Variants in GRM8 observed in about 807,000 individuals in gnomAD.
The protein encoded by GRM8 is metabotropic glutamate receptor 8.
GRM8 carries 47 observed loss-of-function variants against 87.2 expected under a neutral mutation model. That is an observed-to-expected ratio of 0.54 (90% CI 0.43 to 0.69). The LOEUF (loss-of-function observed/expected upper bound fraction) is 0.69, where lower values mean the gene tolerates loss of function less well. Among genes scored for constraint, GRM8 ranks in the 30% least tolerant of loss-of-function variants. The pLI, the probability that GRM8 is intolerant of heterozygous loss-of-function variation, is 0.00. For synonymous variants in GRM8, 396 were observed against 404.5 expected (o/e 0.98, Z 0.25); for missense variants, 1,019 against 1,139.2 (o/e 0.89, Z 1.52).
At chr7:126,651,596 G>T (rs991683180) in intron 7 of GRM8, among the ~76,000 whole-genome samples, 1 of 152,096 alleles carries the variant, frequency 6.6e-6, no homozygotes, top group Admixed American at 6.5e-5. Flanking sequence ...AGTTCCAGAG[G>T]GAGGAATGCT....
At chr7:126,754,852 G>A (rs578143756) in intron 7 of GRM8, among the ~76,000 whole-genome samples, 45 of 151,838 alleles carry the variant, frequency 3.0e-4, no homozygotes, top group African/African-American at 9.2e-4. Flanking sequence ...GTGTCTGGAG[G>A]CTGCTAGAAA....
intron 7 of GRM8, among the ~76,000 whole-genome samples, chr7:126,666,880 G>A (rs1442631188): frequency 6.6e-6 from 1 of 152,046 alleles, no homozygotes; most frequent in Non-Finnish European, 1.5e-5. Context: ...GTACATATTT[G>A]CATAAATATT....
At chr7:127,134,141 T>G (rs946635877) in intron 2 of GRM8, among the ~76,000 whole-genome samples, 4 of 152,224 alleles carry the variant, frequency 2.6e-5, no homozygotes, top group Non-Finnish European at 4.4e-5. Flanking sequence ...ATAAAAGTAC[T>G]GACTAGGCAT....
chr7:126,439,825 A>AGT lies in GRM8; in HGVS notation c.2678-659_2678-658dup, dbSNP rs57638512. Reference sequence around the variant, plus strand: ...TCCTGACCCTGTGGAGGCCTAGGCTAGTGTGTGTGTGTGTGTGTGTGTGTG... The same window carrying AGT: ...TCCTGACCCTGTGGAGGCCTAGGCTAGTGTGTGTGTGTGTGTGTGTGTGTGTG... On this transcript the variant is annotated intron_variant, in intron 10 of 10. Transcript: ENST00000339582. Among the ~76,000 whole-genome samples, 1,168 of 142,660 alleles carry AGT rather than the reference A, an allele frequency of 8.2e-3. 18 individuals carry two copies. The highest frequency in any genetic ancestry group is 0.02 in the African/African-American group (792 of 38,714). The allele number at this position is 142,660 out of a possible 152,430, so 93.6% of individuals were successfully genotyped here.
chr7:127,225,007 A>G (rs1283630622), intron 2 of GRM8, among the ~76,000 whole-genome samples: 1 of 152,250 alleles, frequency 6.6e-6, no homozygotes, highest in Non-Finnish European at 1.5e-5. Context: ...TTAAAAAGCC[A>G]TGTCAAAAGA....
intron 9 of GRM8, among the ~76,000 whole-genome samples, chr7:126,507,961 C>T (rs73722634): frequency 0.031 from 4,639 of 151,968 alleles, 155 homozygotes; most frequent in African/African-American, 0.087. Flanking sequence ...CTGTTCATTT[C>T]GAAACCCTCT....
At chr7:127,107,491 TA>T (rs1305862077) in intron 2 of GRM8, among the ~76,000 whole-genome samples, 1 of 152,208 alleles carries the variant, frequency 6.6e-6, no homozygotes, top group Non-Finnish European at 1.5e-5. Flanking sequence ...TGATTGTGTA[TA>T]GTAACTCCTC....
intron 6 of GRM8, among the ~76,000 whole-genome samples, chr7:126,856,809 C>T (rs777009145): frequency 6.6e-6 from 1 of 152,150 alleles, no homozygotes; most frequent in Non-Finnish European, 1.5e-5. Context: ...ATGGGGAATA[C>T]CCATCAAAGT....
chr7:126,595,255 A>G (rs746161347), intron 8 of GRM8, among the ~76,000 whole-genome samples: 3 of 151,706 alleles, frequency 2.0e-5, no homozygotes, highest in Non-Finnish European at 4.4e-5. Context: ...TTTTTGAGAA[A>G]GGATCTCACT....
chr7:126,949,118 T>C (rs1220837488), intron 3 of GRM8, among the ~76,000 whole-genome samples: 1 of 152,212 alleles, frequency 6.6e-6, no homozygotes, highest in African/African-American at 2.4e-5. Context: ...TTAATTATAT[T>C]TCATCTGTGC....
Position 126,446,232 on chromosome 7 carries a change from C to T in GRM8, c.2571G>A (p.Lys857=). 6.2e-7 allele frequency: 1 copy of T among 1,613,050 alleles called. No homozygotes were observed. Among genetic ancestry groups the T allele is most frequent in the Non-Finnish European group, 8.5e-7 (1 of 1,179,416 alleles). Residue 857 remains lysine, a synonymous_variant, in exon 10 of 11, where the codon AAG becomes AAA. Transcript: ENST00000339582. The stretch of plus-strand genomic sequence containing the variant: ...GCATGGTGGCAGCTGTCACCACAGC[C>T]TTGAAGCTCCTCTTGCGTTTTTGAA... ...QNVQKRKRSF[K]AVVTAATMQS...
chr7:126,812,488 A>G (rs544530291), intron 6 of GRM8, among the ~76,000 whole-genome samples: 1 of 152,060 alleles, frequency 6.6e-6, no homozygotes, highest in Non-Finnish European at 1.5e-5. Context: ...CAGTAAAAGT[A>G]TGGTATTATA....
intron 7 of GRM8, among the ~76,000 whole-genome samples, chr7:126,614,118 G>A (rs558381870): frequency 6.6e-6 from 1 of 152,314 alleles, no homozygotes; most frequent in South Asian, 2.1e-4. Context: ...CTAACTGGGA[G>A]GCACCTCCCA....
At chr7:127,145,423 T>A (rs887070126) in intron 2 of GRM8, among the ~76,000 whole-genome samples, 1 of 152,142 alleles carries the variant, frequency 6.6e-6, no homozygotes, top group South Asian at 2.1e-4. Flanking sequence ...AAGCACAGTA[T>A]ACTAAAGTAT....
chr7:126,537,091 A>G (rs55841175), intron 8 of GRM8, among the ~76,000 whole-genome samples: 39,959 of 152,064 alleles, frequency 0.26, 5,401 homozygotes, highest in African/African-American at 0.28. Context: ...TAATGTTTTG[A>G]ACCAATGAAA....
chr7:127,232,998 C>T (rs1797779757), intron 2 of GRM8, among the ~76,000 whole-genome samples: 1 of 152,038 alleles, frequency 6.6e-6, no homozygotes, highest in Non-Finnish European at 1.5e-5. Context: ...CCACCATGCC[C>T]AGCTAATTTT....
intron 2 of GRM8, among the ~76,000 whole-genome samples, chr7:127,107,727 A>C (rs1328367778): frequency 6.6e-6 from 1 of 152,220 alleles, no homozygotes; most frequent in African/African-American, 2.4e-5. Flanking sequence ...TCCCCACTAC[A>C]GTGTAGACAG....
intron 3 of GRM8, among the ~76,000 whole-genome samples, chr7:127,043,667 T>C (rs1182997244): frequency 6.6e-6 from 1 of 152,122 alleles, no homozygotes; most frequent in Non-Finnish European, 1.5e-5. Context: ...TAATGTTAAA[T>C]GATGAGTTAA....
intron 2 of GRM8, among the ~76,000 whole-genome samples, chr7:127,174,222 G>A (rs939774289): frequency 4.6e-5 from 7 of 152,168 alleles, no homozygotes; most frequent in African/African-American, 1.7e-4. Context: ...TAACTGAACA[G>A]GGATTATTGG....
Sources: allele counts gnomAD v4.1 joint callset (sites outside exome capture counted in the v4.1 genomes callset), GRCh38; gene constraint gnomAD v4.1.1; transcripts MANE v1.5; gene names NCBI Gene and HGNC (gene_info 2026-07-23, HGNC 2026-07-21).